CDKAL1: variants seen among roughly 807,000 people sequenced by gnomAD.
CDKAL1 encodes the protein CDKAL1 threonylcarbamoyladenosine tRNA methylthiotransferase.
A neutral mutation model predicts 68.2 loss-of-function variants in CDKAL1; 32 were observed. The ratio of observed to expected loss-of-function variants is 0.47; its 90% CI spans 0.35 to 0.63. The LOEUF (loss-of-function observed/expected upper bound fraction) is 0.63. CDKAL1 is among the 30% of genes least tolerant of loss of function. The pLI is 0.00. For synonymous variants in CDKAL1, 234 were observed against 244.3 expected, an observed-to-expected ratio of 0.96 and a Z score of 0.39; for missense variants, 606 against 696.7, an observed-to-expected ratio of 0.87 and a Z score of 1.47.
intron 9 of CDKAL1, among the ~76,000 whole-genome samples, chr6:20,873,689 C>A (rs1234415877): frequency 6.6e-6 from 1 of 152,186 alleles, no homozygotes; most frequent in East Asian, 1.9e-4. Context: ...CCCACCCTCA[C>A]ATCCACCAAG....
In CDKAL1 at chr6:20,782,903, A is replaced by C. The variant is rs371258314; in HGVS notation, c.638+1638A>C. On this transcript the variant is annotated intron_variant, in intron 8 of 15. Coordinates refer to ENST00000274695, the MANE Select transcript of CDKAL1 (RefSeq NM_017774.3). ...CAATAATATTTGGAGTTTGCTGGCTAATCACACTTTCTCCTGAAAAATGCA... is the reference window on the plus strand; with the variant it reads ...CAATAATATTTGGAGTTTGCTGGCTCATCACACTTTCTCCTGAAAAATGCA... Among the ~76,000 whole-genome samples, 249 of 152,284 alleles carry C rather than the reference A, an allele frequency of 1.6e-3. 8 individuals are homozygous for C. In the South Asian group the frequency reaches 0.049, roughly 30 times the overall value.
intron 11 of CDKAL1, among the ~76,000 whole-genome samples, chr6:21,033,497 A>G (rs933341482): frequency 3.9e-5 from 6 of 152,114 alleles, no homozygotes; most frequent in Admixed American, 1.3e-4. Context: ...TTGGGTGGAC[A>G]TGGAGGATAG....
In CDKAL1 at chr6:21,208,250, A is replaced by C. The variant is rs145684014; in HGVS notation, c.1548+6976A>C. Among the ~76,000 whole-genome samples the C allele has an allele frequency of 9.3e-3, 1,409 of 152,284 alleles. 17 individuals carry two copies. The highest frequency in any genetic ancestry group is 0.03 in the African/African-American group (1,263 of 41,562). ...TTTAAAGGGTGGCATGGTTTGCTTC[A>C]TTACCAGACAAAGGCCAGCAGGATA... On this transcript the variant is annotated intron_variant, in intron 15 of 15. Transcript: ENST00000274695.
At chr6:20,728,858 C>A (rs1184018070) in intron 5 of CDKAL1, among the ~76,000 whole-genome samples, 2 of 151,848 alleles carry the variant, frequency 1.3e-5, no homozygotes, top group Admixed American at 1.3e-4. Flanking sequence ...TTTTTCTTTT[C>A]TTTTCTTTCT....
chr6:21,099,825 C>G (rs1207416857), intron 12 of CDKAL1, among the ~76,000 whole-genome samples: 3 of 152,218 alleles, frequency 2.0e-5, no homozygotes. Context: ...TGTTTCTGGC[C>G]TAACTGCTAG....
intron 11 of CDKAL1, among the ~76,000 whole-genome samples, chr6:21,042,357 G>C (rs1769976590): frequency 6.6e-6 from 1 of 152,018 alleles, no homozygotes; most frequent in African/African-American, 2.4e-5. Context: ...GAAGCACCAG[G>C]GAGGTAAAAG....
chr6:20,576,825 A>G (rs553504915), intron 4 of CDKAL1, among the ~76,000 whole-genome samples: 193 of 152,294 alleles, frequency 1.3e-3, no homozygotes, highest in African/African-American at 4.1e-3. Flanking sequence ...GCAGGTGTTC[A>G]ATAATGTTTG....
At chr6:21,229,353 G>A (rs1779869540) in intron 15 of CDKAL1, among the ~76,000 whole-genome samples, 1 of 152,038 alleles carries the variant, frequency 6.6e-6, no homozygotes, top group African/African-American at 2.4e-5. Flanking sequence ...CCTGATAGAG[G>A]TCCTCATTAT....
intron 11 of CDKAL1, among the ~76,000 whole-genome samples, chr6:21,031,283 G>C (rs1181901122): frequency 6.6e-6 from 1 of 151,538 alleles, no homozygotes. Flanking sequence ...ATGGGTGTCT[G>C]CTTTCTTCGA....
rs148472915 is a variant in CDKAL1 at position 21,096,428 on chromosome 6, C to T, written c.1237-11973C>T. 4.7e-4 allele frequency among the ~76,000 whole-genome samples: 72 copies of T among 152,222 alleles called. No homozygotes were observed. The South Asian group carries it at 0.014, about 29-fold the overall frequency. On this transcript the variant is annotated intron_variant, in intron 12 of 15. Coordinates refer to ENST00000274695, the MANE Select transcript of CDKAL1 (RefSeq NM_017774.3). ...GCAATACTGGGCTCAAGCTCAGCCT[C>T]GCTGAATGTTAGATTCAGTAAAGGC...
chr6:20,896,083 T>TTTTTC (rs1353830042), intron 9 of CDKAL1, among the ~76,000 whole-genome samples: 1 of 140,648 alleles, frequency 7.1e-6, no homozygotes, highest in African/African-American at 2.7e-5. Context: ...TTTTTTCTTT[T>TTTTTC]TTTTCTTTTC....
At chr6:20,938,833 G>A (rs1022494539) in intron 9 of CDKAL1, among the ~76,000 whole-genome samples, 8 of 152,040 alleles carry the variant, frequency 5.3e-5, no homozygotes, top group Non-Finnish European at 8.8e-5. Context: ...ATGGGAATGA[G>A]CATTTATGCT....
At chr6:20,994,123 G>T (rs951881296) in intron 10 of CDKAL1, among the ~76,000 whole-genome samples, 10 of 152,234 alleles carry the variant, frequency 6.6e-5, no homozygotes, top group Admixed American at 5.2e-4. Flanking sequence ...TGAGCTAAAT[G>T]CTTCTTTTTC....
intron 13 of CDKAL1, among the ~76,000 whole-genome samples, chr6:21,117,661 C>T (rs1321992698): frequency 6.6e-6 from 1 of 152,110 alleles, no homozygotes; most frequent in Non-Finnish European, 1.5e-5. Flanking sequence ...CATTATTTAT[C>T]TGAAATTTGT....
chr6:21,008,479 A>C (rs950533453), intron 11 of CDKAL1, among the ~76,000 whole-genome samples: 2 of 152,160 alleles, frequency 1.3e-5, no homozygotes, highest in Non-Finnish European at 2.9e-5. Flanking sequence ...TAGGAAAAGG[A>C]AGGGAAGAAG....
chr6:21,051,076 A>T (rs971360622), intron 11 of CDKAL1, among the ~76,000 whole-genome samples: 1 of 152,198 alleles, frequency 6.6e-6, no homozygotes, highest in Non-Finnish European at 1.5e-5. Flanking sequence ...ATTCTCACAG[A>T]AGGTGACCTG....
At chr6:21,025,454 T>G (rs1263903637) in intron 11 of CDKAL1, among the ~76,000 whole-genome samples, 2 of 152,200 alleles carry the variant, frequency 1.3e-5, no homozygotes, top group African/African-American at 4.8e-5. Flanking sequence ...TTTAAAGAAA[T>G]GCAAAAGTGG....
intron 5 of CDKAL1, among the ~76,000 whole-genome samples, chr6:20,707,480 G>A (rs1481576663): frequency 6.6e-6 from 1 of 152,110 alleles, no homozygotes; most frequent in Non-Finnish European, 1.5e-5. Flanking sequence ...ACATAAAAAA[G>A]AAATCTAGGT....
chr6:21,092,398 A>C (rs1239544934), intron 12 of CDKAL1, among the ~76,000 whole-genome samples: 2 of 151,602 alleles, frequency 1.3e-5, no homozygotes, highest in African/African-American at 4.9e-5. Flanking sequence ...TATTTGTCCT[A>C]ATGCTCTCCC....
Sources: gnomAD v4.1 joint callset for allele counts (sites outside exome capture counted in the v4.1 genomes callset) on GRCh38, gnomAD v4.1.1 for gene constraint, MANE v1.5 for transcripts, NCBI Gene and HGNC (gene_info 2026-07-23, HGNC 2026-07-21) for gene names.